Variants in LUC7L2 observed in about 807,000 individuals in gnomAD.
LUC7L2 encodes the protein putative RNA-binding protein Luc7-like 2.
Under a neutral mutation model 52.8 loss-of-function variants are expected in LUC7L2, and 25 were observed. The observed-to-expected ratio is 0.47, with a 90% CI of 0.34 to 0.66. LUC7L2 has a LOEUF of 0.66. LUC7L2 is among the 30% of genes least tolerant of loss of function. The pLI is 0.01. For synonymous variants in LUC7L2, 144 were observed against 160.9 expected, an observed-to-expected ratio of 0.89 and a Z score of 0.80; for missense variants, 328 against 497.8, an observed-to-expected ratio of 0.66 and a Z score of 3.25.
chr7:139,387,028 C>G (rs1794232515), intron 2 of LUC7L2, among the ~76,000 whole-genome samples: 1 of 151,680 alleles, frequency 6.6e-6, no homozygotes, highest in Admixed American at 6.6e-5. Flanking sequence ...GTAGTAGAGA[C>G]AGGGTTTCAC....
chr7:139,364,169 G>A (rs148484310), intron 1 of LUC7L2, among the ~76,000 whole-genome samples: 1 of 151,874 alleles, frequency 6.6e-6, no homozygotes, highest in African/African-American at 2.4e-5. Flanking sequence ...ATTTTTAGTA[G>A]AGATGGGGTT....
At chr7:139,416,426 A>G (rs1201372349) in intron 8 of LUC7L2, 3 of 151,694 alleles carry the variant, frequency 2.0e-5, no homozygotes, top group Non-Finnish European at 2.9e-5. Flanking sequence ...TTCGTTCTCT[A>G]TTTCTGTGTA....
chr7:139,362,640 T>A (rs77939788), intron 1 of LUC7L2, among the ~76,000 whole-genome samples: 1,747 of 146,142 alleles, frequency 0.012, 36 homozygotes, highest in African/African-American at 0.037. Flanking sequence ...TTTTTTTTTT[T>A]AATTCCAGAG....
At chr7:139,398,867 GA>G (rs1355573124) in intron 3 of LUC7L2, among the ~76,000 whole-genome samples, 170 bp downstream of exon 3, 1 of 152,134 alleles carries the variant, frequency 6.6e-6, no homozygotes, top group Non-Finnish European at 1.5e-5. Context: ...TTAAAAATAT[GA>G]GGTGAGACTG....
In LUC7L2 at chr7:139,398,703, T is replaced by C. The variant is rs200748270; in HGVS notation, c.255+6T>C. On this transcript the variant is annotated splice_donor_region_variant and intron_variant, in intron 3 of 9. Coordinates refer to ENST00000354926, the MANE Select transcript of LUC7L2 (RefSeq NM_016019.5). ...ATTTTTTCTTTGAACTTGATGTATG[T>C]GATTTTGCTTTAATGGTTTGTTGTT... 2.0e-5 allele frequency: 32 copies of C among 1,607,926 alleles called. No homozygotes were observed. The Admixed American group carries it at 2.2e-4, about 11-fold the overall frequency.
At chr7:139,354,072 C>T (rs1015615000) in intron 1 of LUC7L2, among the ~76,000 whole-genome samples, 5 of 151,290 alleles carry the variant, frequency 3.3e-5, no homozygotes, top group East Asian at 2.0e-4. Flanking sequence ...GCCGAGATCA[C>T]GCCACTGCAC....
intron 4 of LUC7L2, among the ~76,000 whole-genome samples, chr7:139,403,142 A>G (rs1794989590): frequency 6.6e-6 from 1 of 152,242 alleles, no homozygotes; most frequent in Non-Finnish European, 1.5e-5. Flanking sequence ...CAGATATACC[A>G]CAGTATTTTT....
chr7:139,350,087 C>G lies in LUC7L2; in HGVS notation c.-26+9570C>G, dbSNP rs1055225536. On this transcript the variant is annotated intron_variant, in intron 1 of 10. Transcript: ENST00000541170. ...TACAGTATGCAGTCTTTTGAGGCAG[C>G]TTCTTTTGTTGAGCATACTGATTTT... Among the ~76,000 whole-genome samples, 42 of 152,040 alleles carry G rather than the reference C, an allele frequency of 2.8e-4. 4 individuals are homozygous for G. The highest frequency in any genetic ancestry group is 6.6e-5 in the Admixed American group (1 of 15,258).
intron 2 of LUC7L2, among the ~76,000 whole-genome samples, chr7:139,386,217 G>A (rs937520550): frequency 1.3e-5 from 2 of 151,740 alleles, no homozygotes; most frequent in African/African-American, 4.9e-5. Context: ...TGGCTAAGCT[G>A]GTCTTAACTC....
intron 3 of LUC7L2, among the ~76,000 whole-genome samples, chr7:139,399,563 G>A (rs1220180053): frequency 7.2e-6 from 1 of 138,708 alleles, no homozygotes; most frequent in Non-Finnish European, 1.5e-5. Context: ...TCTGCCTCCC[G>A]GGTTCATGCT....
intron 3 of LUC7L2, among the ~76,000 whole-genome samples, chr7:139,400,890 C>G (rs1044907825): frequency 4.6e-5 from 7 of 152,120 alleles, no homozygotes; most frequent in African/African-American, 1.7e-4. Flanking sequence ...AAGAAATGAT[C>G]CTTATTGCTT....
chr7:139,393,336 C>T (rs774643791), intron 2 of LUC7L2, among the ~76,000 whole-genome samples: 4 of 151,836 alleles, frequency 2.6e-5, no homozygotes, highest in Admixed American at 6.6e-5. Flanking sequence ...GTGGCTTAAG[C>T]GGGAGGATTG....
chr7:139,397,008 AT>A (rs1474107698), intron 2 of LUC7L2, among the ~76,000 whole-genome samples: 1 of 152,188 alleles, frequency 6.6e-6, no homozygotes, highest in Non-Finnish European at 1.5e-5. Context: ...ATTTTATAAA[AT>A]TAATTATCAT....
chr7:139,401,864 TC>T (rs997058451), intron 3 of LUC7L2, among the ~76,000 whole-genome samples: 1 of 149,410 alleles, frequency 6.7e-6, no homozygotes, highest in African/African-American at 2.5e-5. Flanking sequence ...AAGTGTTCCT[TC>T]CGCCTCAGCC....
chr7:139,375,119 G>C (rs1394063770), intron 1 of LUC7L2: 4 of 984,024 alleles, frequency 4.1e-6, no homozygotes, highest in Non-Finnish European at 4.8e-6. Flanking sequence ...ATCCTAATGA[G>C]TTTTTTCTTT....
At chr7:139,340,687 G>T (rs571606624) in intron 1 of LUC7L2, 1 of 392,870 alleles carries the variant, frequency 2.5e-6, no homozygotes, top group Admixed American at 4.4e-5. Context: ...GTGTGAGCGC[G>T]TCGTTTGCAG....
chr7:139,392,496 C>T (rs146379407), intron 2 of LUC7L2: 1 of 357,210 alleles, frequency 2.8e-6, no homozygotes, highest in East Asian at 9.9e-5. Flanking sequence ...ATTTGGTCCA[C>T]ATTTCATGCA....
chr7:139,408,984 C>T (rs1440029884), intron 6 of LUC7L2, among the ~76,000 whole-genome samples: 2 of 151,028 alleles, frequency 1.3e-5, no homozygotes, highest in Non-Finnish European at 3.0e-5. Context: ...CCCATCTCCA[C>T]TAAAAAATAT....
At chr7:139,415,017 G>A (rs945539490) in intron 8 of LUC7L2, among the ~76,000 whole-genome samples, 3 of 147,534 alleles carry the variant, frequency 2.0e-5, no homozygotes, top group Non-Finnish European at 4.5e-5. Flanking sequence ...CTCCCTAGTA[G>A]CTAGGATTAT....
Sources: gnomAD v4.1 joint callset for allele counts (sites outside exome capture counted in the v4.1 genomes callset) on GRCh38, gnomAD v4.1.1 for gene constraint, MANE v1.5 for transcripts, NCBI Gene and HGNC (gene_info 2026-07-23, HGNC 2026-07-21) for gene names.